The following GABRA4 variants were observed in gnomAD, a reference collection of about 807,000 sequenced individuals.
The protein encoded by GABRA4 is gamma-aminobutyric acid receptor subunit alpha-4.
A neutral mutation model predicts 49.7 loss-of-function variants in GABRA4; 12 were observed. That is an observed-to-expected ratio of 0.24 (90% CI 0.15 to 0.39). The LOEUF (loss-of-function observed/expected upper bound fraction) is 0.39, where lower values mean the gene tolerates loss of function less well. Among genes scored for constraint, GABRA4 ranks in the 10% least tolerant of loss-of-function variants. The probability of loss-of-function intolerance (pLI) is 1.00; values close to 1 mark genes in which losing one functional copy is unlikely to be tolerated. For synonymous variants in GABRA4, 288 were observed against 240.2 expected (o/e 1.20, Z -1.84); for missense variants, 506 against 686.0 (o/e 0.74, Z 2.93).
chr4:46,971,994 T>C (rs919144729), intron 6 of GABRA4, among the ~76,000 whole-genome samples: 1 of 151,592 alleles, frequency 6.6e-6, no homozygotes, highest in Non-Finnish European at 1.5e-5. Context: ...AAAGAATATG[T>C]GAAGAAAGTT....
rs541237955 is a variant in GABRA4, at chr4:46,952,388, C to A, written c.1134+12582G>T. 2.6e-5 allele frequency among the ~76,000 whole-genome samples: 4 copies of A among 152,066 alleles called. No homozygotes were observed. The East Asian group carries it at 7.8e-4, about 29-fold the overall frequency. On this transcript the variant is annotated intron_variant, in intron 8 of 8. Coordinates refer to ENST00000264318, the MANE Select transcript of GABRA4 (RefSeq NM_000809.4). ...AAAATATTAAGAAAAGCATGCCATG[C>A]CATACAATCTGAGTGAAAAGTGTCC...
intron 2 of GABRA4, 24 bp from the exon 3 acceptor site, chr4:46,979,122 T>A (rs373108902): frequency 6.8e-7 from 1 of 1,471,612 alleles, no homozygotes; most frequent in Non-Finnish European, 9.5e-7. Flanking sequence ...AGTAAATAAG[T>A]GTGAAAAAAT....
At chr4:46,950,305 A>C (rs1158552571) in intron 8 of GABRA4, among the ~76,000 whole-genome samples, 1 of 152,112 alleles carries the variant, frequency 6.6e-6, no homozygotes, top group Non-Finnish European at 1.5e-5. Context: ...AGGCCCAGGC[A>C]CACAAAGTAC....
rs764261150 is a variant in GABRA4, at chr4:46,928,376, G to A, written c.1514C>T (p.Pro505Leu). The A allele has an allele frequency of 8.1e-6, 13 of 1,613,688 alleles. No individual in the cohort carries two copies. The East Asian group carries it at 2.5e-4, about 30-fold the overall frequency. ...AGATCCAGAAGGTGGTGGAGCCGAT[G>A]GAGGAGGAGTAGCTGACAACTTCCC... ...ATGKLSATPP[P>L]SAPPPSGSGT... is the part of the protein sequence containing the mutation. The change falls in exon 9 of 9, where the codon CCA becomes CTA. Residue 505 changes from proline to leucine, a missense_variant. By Grantham distance (98) the Pro-to-Leu change is moderately conservative (BLOSUM62 -3). Coordinates refer to ENST00000264318, the MANE Select transcript of GABRA4 (RefSeq NM_000809.4).
chr4:46,930,642 T>C (rs1176921372), intron 8 of GABRA4, among the ~76,000 whole-genome samples: 1 of 151,792 alleles, frequency 6.6e-6, no homozygotes, highest in Admixed American at 6.6e-5. Context: ...TACATTTTTT[T>C]TTCAAATATA....
intron 5 of GABRA4, among the ~76,000 whole-genome samples, chr4:46,976,405 A>G (rs2109392297): frequency 6.6e-6 from 1 of 151,186 alleles, no homozygotes; most frequent in East Asian, 2.0e-4. Context: ...AAAATGTCAA[A>G]GAAAGCTACA....
At chr4:46,990,214 C>A (rs558082242) in intron 2 of GABRA4, among the ~76,000 whole-genome samples, 4 of 152,192 alleles carry the variant, frequency 2.6e-5, no homozygotes, top group African/African-American at 9.7e-5. Context: ...GTTAATTCGA[C>A]CCTTTCCCAT....
intron 8 of GABRA4, among the ~76,000 whole-genome samples, chr4:46,946,571 G>T (rs2109353230): frequency 1.3e-5 from 2 of 152,210 alleles, no homozygotes; most frequent in Middle Eastern, 6.8e-3. Flanking sequence ...GGCTAAGTCA[G>T]TGCTTGCTAA....
chr4:46,920,140 A>G lies in GABRA4; in HGVS notation c.*8085T>C, dbSNP rs1396388660. ...GACTGAGAAAAAAATATGTCAATCAAACTTTAACTGAAATGCTATACATTG... is the reference window on the plus strand; with the variant it reads ...GACTGAGAAAAAAATATGTCAATCAGACTTTAACTGAAATGCTATACATTG... On this transcript the variant is annotated 3_prime_UTR_variant, in exon 9 of 9. Transcript: ENST00000264318. 6.6e-6 allele frequency: 1 copy of G among 151,700 alleles called. No homozygotes were observed. Among genetic ancestry groups the G allele is most frequent in the African/African-American group, 2.4e-5 (1 of 41,412 alleles). The allele number at this position is 151,700 out of a possible 1,614,324, so 9.4% of individuals were successfully genotyped here.
In GABRA4 at chr4:46,962,348, C is replaced by T. The variant is rs948164276; in HGVS notation, c.1134+2622G>A. Among the ~76,000 whole-genome samples, 7 of 151,678 alleles carry T rather than the reference C, an allele frequency of 4.6e-5. No individual in the cohort carries two copies. The South Asian group carries it at 1.5e-3, about 31-fold the overall frequency. ...CTGAAAAAGGAACAAAAAAGTAATCCTATTTACAATAGCCACATATAAAAT... is the reference window on the plus strand; with the variant it reads ...CTGAAAAAGGAACAAAAAAGTAATCTTATTTACAATAGCCACATATAAAAT... On this transcript the variant is annotated intron_variant, in intron 8 of 8. Coordinates refer to ENST00000264318, the MANE Select transcript of GABRA4 (RefSeq NM_000809.4).
intron 8 of GABRA4, among the ~76,000 whole-genome samples, chr4:46,940,989 C>T (rs1264943694): frequency 6.6e-6 from 1 of 152,108 alleles, no homozygotes; most frequent in Non-Finnish European, 1.5e-5. Flanking sequence ...CATGTTCTAC[C>T]ACTTTATGAC....
At chr4:46,986,220 G>A (rs941498213) in intron 2 of GABRA4, among the ~76,000 whole-genome samples, 3 of 151,484 alleles carry the variant, frequency 2.0e-5, no homozygotes, top group Non-Finnish European at 4.4e-5. Flanking sequence ...TTCTACCATC[G>A]CAATTTCTCT....
chr4:46,939,793 A>T (rs1297767495), intron 8 of GABRA4, among the ~76,000 whole-genome samples: 2 of 151,988 alleles, frequency 1.3e-5, no homozygotes, highest in Admixed American at 1.3e-4. Flanking sequence ...TTTTCTCATG[A>T]TTAGAAAATC....
chr4:46,943,085 G>A (rs1477815555), intron 8 of GABRA4, among the ~76,000 whole-genome samples: 1 of 152,038 alleles, frequency 6.6e-6, no homozygotes, highest in African/African-American at 2.4e-5. Context: ...TCTGGTAATA[G>A]GAGAGTAGAG....
Position 46,928,064 on chromosome 4 carries a change from T to C in GABRA4, c.*161A>G, listed in dbSNP as rs1025715609. On this transcript the variant is annotated 3_prime_UTR_variant, in exon 9 of 9. Transcript: ENST00000264318. ...AAAAAAACATAGTTCACTTTTTCAC[T>C]CAGGAATTAATTAACTCTCCCAATA... 9 of 610,798 alleles carry C rather than the reference T, an allele frequency of 1.5e-5. No individual in the cohort carries two copies. In the Admixed American group the frequency reaches 2.8e-4, roughly 19 times the overall value. The allele number at this position is 610,798 out of a possible 1,614,324, so 37.8% of individuals were successfully genotyped here.
intron 7 of GABRA4, among the ~76,000 whole-genome samples, chr4:46,970,702 A>G (rs944870261): frequency 4.2e-4 from 60 of 143,846 alleles, no homozygotes; most frequent in Non-Finnish European, 7.3e-4. Context: ...TCATTCAGCC[A>G]TGACTTTTAT....
intron 8 of GABRA4, among the ~76,000 whole-genome samples, chr4:46,959,834 A>ATATATG (rs142211586): frequency 0.015 from 2,038 of 140,186 alleles, 30 homozygotes; most frequent in Non-Finnish European, 0.019. Context: ...ATATATATAT[A>ATATATG]TGTGTGTGTG....
chr4:46,976,690 T>C (rs921152928), intron 5 of GABRA4, among the ~76,000 whole-genome samples: 3 of 151,626 alleles, frequency 2.0e-5, no homozygotes, highest in Non-Finnish European at 2.9e-5. Flanking sequence ...TATCTATCTA[T>C]CTGAAGTGAT....
At chr4:46,936,076 C>T (rs1387103422) in intron 8 of GABRA4, among the ~76,000 whole-genome samples, 1 of 152,108 alleles carries the variant, frequency 6.6e-6, no homozygotes, top group Non-Finnish European at 1.5e-5. Context: ...TTGAGTGATT[C>T]TTTTGCACCT....
Sources: gnomAD v4.1 joint callset for allele counts (sites outside exome capture counted in the v4.1 genomes callset) on GRCh38, gnomAD v4.1.1 for gene constraint, MANE v1.5 for transcripts, NCBI Gene and HGNC (gene_info 2026-07-23, HGNC 2026-07-21) for gene names.